Variants in ZNF527 observed in about 807,000 individuals in gnomAD.
ZNF527 encodes the protein zinc finger protein 527.
A neutral mutation model predicts 13.5 loss-of-function variants in ZNF527; 5 were observed. That is an observed-to-expected ratio of 0.37 (90% CI 0.19 to 0.78). The LOEUF (loss-of-function observed/expected upper bound fraction) is 0.78. Ranked by LOEUF, ZNF527 falls within the 30% of genes least tolerant of loss-of-function variation. The pLI is 0.48. For synonymous variants in ZNF527, 209 were observed against 243.1 expected, an observed-to-expected ratio of 0.86 and a Z score of 1.30; for missense variants, 628 against 726.4, an observed-to-expected ratio of 0.86 and a Z score of 1.56.
intron 2 of ZNF527, 60 bp from the exon 3 acceptor site, chr19:37,379,060 T>C: frequency 6.2e-7 from 1 of 1,603,488 alleles, no homozygotes; most frequent in Non-Finnish European, 8.5e-7. Flanking sequence ...AAATTCATCT[T>C]TTTTGCTAGG....
intron 2 of ZNF527, among the ~76,000 whole-genome samples, chr19:37,375,339 C>CTTTCTTT (rs370068382): frequency 2.5e-3 from 172 of 69,472 alleles, no homozygotes; most frequent in Non-Finnish European, 3.7e-3. Context: ...TTCTTTCTTT[C>CTTTCTTT]CTTTCTTTCC....
rs1040940126 is a variant in ZNF527, at chr19:37,388,465, A to G, written c.416A>G (p.His139Arg). 3.1e-6 allele frequency: 5 copies of G among 1,614,100 alleles called. No homozygotes were observed. The African/African-American group carries it at 6.7e-5, about 22-fold the overall frequency. The change falls in exon 5 of 5, where the codon CAT (histidine) becomes CGT (arginine). Residue 139 changes from histidine (H) to arginine (R), a missense_variant. By Grantham distance (29) the His-to-Arg change is conservative. This residue lies in a region of ZNF527 where 592 missense variants were observed against 678.0 expected (regional missense o/e 0.87). Transcript: ENST00000436120. ...AWKYKGEFEL[H>R]QGNAERHFMQ... ...AAATATAAGGGTGAATTTGAGCTAC[A>G]TCAGGGAAATGCGGAGAGGCATTTC...
intron 2 of ZNF527, among the ~76,000 whole-genome samples, chr19:37,377,228 G>C (rs2040615516): frequency 2.6e-5 from 4 of 152,202 alleles, no homozygotes; most frequent in Admixed American, 2.0e-4. Context: ...TAGTAAAAGG[G>C]AGAGAGGCGA....
At chr19:37,388,170 C>A in intron 4 of ZNF527, 136 bp from the exon 5 acceptor site, 1 of 873,248 alleles carries the variant, frequency 1.1e-6, no homozygotes, top group Non-Finnish European at 1.7e-6. Context: ...ATTGCATGGC[C>A]ATATTTGGGA....
chr19:37,376,925 A>G (rs1290534138), intron 2 of ZNF527, among the ~76,000 whole-genome samples: 1 of 152,112 alleles, frequency 6.6e-6, no homozygotes, highest in African/African-American at 2.4e-5. Context: ...AACATTTTAG[A>G]TATGTTGGGT....
chr19:37,387,416 T>C (rs2040709024), intron 4 of ZNF527, among the ~76,000 whole-genome samples: 1 of 152,230 alleles, frequency 6.6e-6, no homozygotes, highest in South Asian at 2.1e-4. Flanking sequence ...ATGTGCCATA[T>C]GGAATTATCA....
rs760003304 is a variant in ZNF527 at position 37,375,311 on chromosome 19, T to TTTCTTTCTTTCTTTCTTTCTTTC, written c.33+1082_33+1083insCTTTCTTTCTTTCTTTCTTTCTT. Among the ~76,000 whole-genome samples, 31 of 79,826 alleles carry TTTCTTTCTTTCTTTCTTTCTTTC rather than the reference T, an allele frequency of 3.9e-4. 1 individual carries two copies. Among genetic ancestry groups the TTTCTTTCTTTCTTTCTTTCTTTC allele is most frequent in the Middle Eastern group, 6.1e-3 (1 of 164 alleles). 52.4% of individuals were successfully genotyped at this position (79,826 alleles called of 152,430 possible). A position where few individuals can be genotyped will look rare whatever the true frequency, so the allele number is the denominator to read the frequency against. On this transcript the variant is annotated intron_variant, in intron 2 of 4. Transcript: ENST00000436120. Reference sequence around the variant, plus strand: ...CTTTCTTTCTTTCTTTCTTTCTTTCTTTTCTTTCTTTCTTTCTTTCTTTCT... The same window carrying TTTCTTTCTTTCTTTCTTTCTTTC: ...CTTTCTTTCTTTCTTTCTTTCTTTCTTTCTTTCTTTCTTTCTTTCTTTCTTTCTTTCTTTCTTTCTTTCTTTCT...
intron 2 of ZNF527, 58 bp downstream of exon 2, chr19:37,374,289 G>A: frequency 1.9e-6 from 3 of 1,565,870 alleles, no homozygotes; most frequent in African/African-American, 1.4e-5. Context: ...CAGGACTTTG[G>A]GACCACAGGG....
At chr19:37,375,310 C>CTTTCTTTG (rs1004812681) in intron 2 of ZNF527, among the ~76,000 whole-genome samples, 8 of 55,774 alleles carry the variant, frequency 1.4e-4, no homozygotes, top group African/African-American at 5.2e-4. Flanking sequence ...TTCTTTCTTT[C>CTTTCTTTG]TTTTCTTTCT....
At chr19:37,374,116 G>A (rs2040580620) in intron 1 of ZNF527, 42 bp from the exon 2 acceptor site, 2 of 1,389,326 alleles carry the variant, frequency 1.4e-6, no homozygotes, top group African/African-American at 1.4e-5. Context: ...AAAAACACAG[G>A]GCTGGCACAT....
chr19:37,389,537 A>G lies in ZNF527; in HGVS notation c.1488A>G (p.Arg496=). Residue 496 remains arginine (R), a synonymous_variant, in exon 5 of 5, where the codon AGA becomes AGG. Transcript: ENST00000436120. ...ATCATAGAATTCACACTGGAGAGAG[A>G]CCATTTGAATGCAGTAAATGTGGGA... ...NRHHRIHTGE[R]PFECSKCGKA... The G allele has an allele frequency of 6.2e-7, 1 of 1,614,228 alleles. No individual in the cohort carries two copies. The highest frequency in any genetic ancestry group is 8.5e-7 in the Non-Finnish European group (1 of 1,180,034).
At chr19:37,384,970 C>G (rs1304775659) in intron 4 of ZNF527, 3 of 701,670 alleles carry the variant, frequency 4.3e-6, no homozygotes, top group Non-Finnish European at 7.8e-6. Context: ...AGCATGCACA[C>G]CACTGCACCT....
chr19:37,374,052 C>T, intron 1 of ZNF527, 106 bp from the exon 2 acceptor site: 5 of 739,728 alleles, frequency 6.8e-6, no homozygotes, highest in Non-Finnish European at 9.4e-6. Flanking sequence ...AAAGGTGAGG[C>T]TGGCCCATGT....
intron 4 of ZNF527, among the ~76,000 whole-genome samples, 162 bp downstream of exon 4, chr19:37,380,534 C>G (rs2040645836): frequency 6.6e-6 from 1 of 152,150 alleles, no homozygotes; most frequent in Admixed American, 6.5e-5. Flanking sequence ...CTTTTTCTTT[C>G]CATCAAATTA....
chr19:37,382,625 A>G (rs2040663403), intron 4 of ZNF527, among the ~76,000 whole-genome samples: 1 of 152,218 alleles, frequency 6.6e-6, no homozygotes, highest in Admixed American at 6.5e-5. Flanking sequence ...AGGTATTTGT[A>G]TATAGTACTT....
Position 37,389,182 on chromosome 19 carries a change from G to T in ZNF527, c.1133G>T (p.Arg378Ile). The change falls in exon 5 of 5, where the codon AGA becomes ATA. Residue 378 changes from arginine (R) to isoleucine (I), a missense_variant. By Grantham distance (97) the Arg-to-Ile change is moderately conservative. Transcript: ENST00000436120. ...SRYAFLVEHQ[R>I]IHTGEKPYEC... ...TATGCCTTCCTTGTTGAACATCAGA[G>T]AATTCACACAGGTGAGAAACCATAT... 1 of 1,614,172 alleles carries T rather than the reference G, an allele frequency of 6.2e-7. No individual in the cohort carries two copies. Among genetic ancestry groups the T allele is most frequent in the Non-Finnish European group, 8.5e-7 (1 of 1,180,026 alleles).
rs572904524 is a variant in ZNF527, at chr19:37,392,734, G to C, written c.*2855G>C. Reference sequence around the variant, plus strand: ...ATGTATGGCACCTGATTTCATCCTCGAGAGTGACGTAAACCTAAGCTACTG... The same window carrying C: ...ATGTATGGCACCTGATTTCATCCTCCAGAGTGACGTAAACCTAAGCTACTG... On this transcript the variant is annotated 3_prime_UTR_variant, in exon 5 of 5. Transcript: ENST00000436120. 6.6e-6 allele frequency: 1 copy of C among 152,178 alleles called. No individual in the cohort carries two copies. The highest frequency in any genetic ancestry group is 2.1e-4 in the South Asian group (1 of 4,824). The allele number at this position is 152,178 out of a possible 1,614,324, so 9.4% of individuals were successfully genotyped here.
intron 2 of ZNF527, among the ~76,000 whole-genome samples, chr19:37,375,242 T>TTTTC (rs772278647): frequency 0.076 from 7,380 of 97,076 alleles, 687 homozygotes; most frequent in Non-Finnish European, 0.094. Flanking sequence ...CCTTAGTGTA[T>TTTTC]TTTCTTTCTT....
intron 3 of ZNF527, 116 bp from the exon 4 acceptor site, chr19:37,380,161 A>G (rs1377879366): frequency 2.0e-6 from 3 of 1,477,698 alleles, no homozygotes; most frequent in Non-Finnish European, 2.7e-6. Flanking sequence ...TCTAATGTCC[A>G]TTCTTGCCTG....
Sources: gnomAD v4.1 joint callset for allele counts (sites outside exome capture counted in the v4.1 genomes callset) on GRCh38, gnomAD v4.1.1 for gene constraint, gnomAD v4.1.1 regional missense constraint, MANE v1.5 for transcripts, NCBI Gene and HGNC (gene_info 2026-07-23, HGNC 2026-07-21) for gene names.